The following KLB variants were observed in gnomAD, a reference collection of about 807,000 sequenced individuals.
The protein encoded by KLB is beta-klotho.
Under a neutral mutation model 88.4 loss-of-function variants are expected in KLB, and 44 were observed. The observed-to-expected ratio is 0.50, with a 90% CI of 0.39 to 0.64. KLB has a LOEUF of 0.64. KLB is among the 30% of genes least tolerant of loss of function. The pLI is 0.00. For missense variants in KLB, 1,137 were observed against 1,304.8 expected, an observed-to-expected ratio of 0.87 and a Z score of 1.98; for synonymous variants, 548 against 513.4, an observed-to-expected ratio of 1.07 and a Z score of -0.91.
rs1178685558 is a variant in KLB, at chr4:39,446,876, T to C, written c.2150T>C (p.Val717Ala). 4.3e-6 allele frequency: 7 copies of C among 1,609,294 alleles called. No homozygotes were observed. Among genetic ancestry groups the C allele is most frequent in the Non-Finnish European group, 5.9e-6 (7 of 1,179,816 alleles). Residue 717 changes from valine (V) to alanine (A), a missense_variant, in exon 4 of 5, where the codon GTG (valine) becomes GCG (alanine). Physicochemically the swap from Val to Ala is moderately conservative, Grantham distance 64. This residue lies in a region of KLB where 597 missense variants were observed against 765.2 expected (regional missense o/e 0.78). Transcript: ENST00000257408. This position sits in a 1 kb window ranked among gnomAD's most constrained non-coding sequence, Gnocchi z 6.4. ...TACGGGGCGGCGCACAACCTGCTGG[T>C]GGCCCACGCCCTGGCCTGGCGCCTC... ...DTYGAAHNLL[V>A]AHALAWRLYD...
Position 39,450,462 on chromosome 4 carries a change from T to C in KLB, c.*1776T>C, listed in dbSNP as rs1185626810. On this transcript the variant is annotated 3_prime_UTR_variant, in exon 5 of 5. Coordinates refer to ENST00000257408, the MANE Select transcript of KLB (RefSeq NM_175737.4). ...TTCCAAAATACTGTAAAAATACAAT[T>C]AGTCAATTTGAGTAAATGCAAATAT... 2.0e-5 allele frequency: 3 copies of C among 152,176 alleles called. No homozygotes were observed. The highest frequency in any genetic ancestry group is 4.4e-5 in the Non-Finnish European group (3 of 68,036). 9.4% of individuals were successfully genotyped at this position (152,176 alleles called of 1,614,324 possible).
intron 1 of KLB, among the ~76,000 whole-genome samples, chr4:39,431,946 C>T (rs1001317401): frequency 3.9e-5 from 6 of 152,178 alleles, no homozygotes; most frequent in African/African-American, 1.4e-4. Context: ...TGAAAGCAGG[C>T]TCTGTGTGCT....
chr4:39,446,629 A>T lies in KLB; in HGVS notation c.1903A>T (p.Ile635Phe). The T allele has an allele frequency of 6.2e-7, 1 of 1,613,734 alleles. No individual in the cohort carries two copies. The highest frequency in any genetic ancestry group is 1.3e-5 in the African/African-American group (1 of 75,024). Reference protein sequence around the residue: ...CVVSEGLKLGISAMVTLYYPT... With the variant: ...CVVSEGLKLGFSAMVTLYYPT... ...GGTCAGTGAGGGGCTGAAGCTTGGC[A>T]TCTCCGCGATGGTCACCCTGTATTA... The change falls in exon 4 of 5, where the codon ATC becomes TTC. Residue 635 changes from isoleucine to phenylalanine, a missense_variant. This residue lies in a region of KLB where 597 missense variants were observed against 765.2 expected (regional missense o/e 0.78). Transcript: ENST00000257408. The surrounding 1 kb of genome is among the most constrained non-coding windows in gnomAD (Gnocchi z 6.4).
chr4:39,430,083 T>G (rs1161073090), intron 1 of KLB, among the ~76,000 whole-genome samples: 1 of 152,242 alleles, frequency 6.6e-6, no homozygotes, highest in Non-Finnish European at 1.5e-5. Flanking sequence ...GCTCTACTGT[T>G]TCTCATTCAA....
Position 39,437,846 on chromosome 4 carries a change from A to G in KLB, c.1456A>G (p.Lys486Glu), listed in dbSNP as rs945390479. 10 of 1,614,208 alleles carry G rather than the reference A, an allele frequency of 6.2e-6. No homozygotes were observed. The Admixed American group carries it at 1.2e-4, about 19-fold the overall frequency. ...RGLFYVDFNS[K>E]QKERKPKSSA... ...ATTATTTTATGTGGATTTTAACAGTAAACAGAAAGAGCGGAAACCTAAGTC... is the reference window on the plus strand; with the variant it reads ...ATTATTTTATGTGGATTTTAACAGTGAACAGAAAGAGCGGAAACCTAAGTC... The change falls in exon 3 of 5, where the codon AAA becomes GAA. Residue 486 changes from lysine (K) to glutamate (E), a missense_variant. Coordinates refer to ENST00000257408, the MANE Select transcript of KLB (RefSeq NM_175737.4).
In KLB at chr4:39,450,243, C is replaced by A. The variant is rs1743861234; in HGVS notation, c.*1557C>A. Reference sequence around the variant, plus strand: ...ATGCACCTATTTATACCTATTCTTTCTTTAGGTCAACATTTAACACCCACT... The same window carrying A: ...ATGCACCTATTTATACCTATTCTTTATTTAGGTCAACATTTAACACCCACT... On this transcript the variant is annotated 3_prime_UTR_variant, in exon 5 of 5. Coordinates refer to ENST00000257408, the MANE Select transcript of KLB (RefSeq NM_175737.4). 6.6e-6 allele frequency: 1 copy of A among 152,282 alleles called. No homozygotes were observed. Among genetic ancestry groups the A allele is most frequent in the Non-Finnish European group, 1.5e-5 (1 of 68,024 alleles). 9.4% of individuals were successfully genotyped at this position (152,282 alleles called of 1,614,324 possible).
chr4:39,448,174 C>T, intron 4 of KLB, 127 bp from the exon 5 acceptor site: 1 of 631,494 alleles, frequency 1.6e-6, no homozygotes. Context: ...TCAAAAAAAA[C>T]CCTCTAATAA....
At chr4:39,413,951 G>A (rs1018306137) in intron 1 of KLB, among the ~76,000 whole-genome samples, 3 of 152,006 alleles carry the variant, frequency 2.0e-5, no homozygotes, top group Non-Finnish European at 2.9e-5. Context: ...CTTTGCTGTG[G>A]TAGGCTGTCC....
intron 3 of KLB, among the ~76,000 whole-genome samples, chr4:39,442,608 T>C (rs967004226): frequency 6.6e-6 from 1 of 152,174 alleles, no homozygotes; most frequent in Non-Finnish European, 1.5e-5. Context: ...TAATTTTTTG[T>C]ATTTTTAGTA....
intron 2 of KLB, among the ~76,000 whole-genome samples, chr4:39,436,068 C>G (rs902709299): frequency 2.6e-5 from 4 of 152,174 alleles, no homozygotes; most frequent in African/African-American, 9.7e-5. Context: ...CTCTATTACT[C>G]AAGTAGTGAC....
At position 39,437,944 on chromosome 4, in the gene KLB, G is replaced by A; in HGVS notation, c.1554G>A (p.Gln518=). 1 of 1,614,190 alleles carries A rather than the reference G, an allele frequency of 6.2e-7. No individual in the cohort carries two copies. The highest frequency in any genetic ancestry group is 8.5e-7 in the Non-Finnish European group (1 of 1,180,032). Residue 518 remains glutamine (Q), a synonymous_variant, in exon 3 of 5, where the codon CAG becomes CAA. Coordinates refer to ENST00000257408, the MANE Select transcript of KLB (RefSeq NM_175737.4). The stretch of plus-strand genomic sequence containing the variant: ...TAAAAGAGTCCACGCCAGATGTGCA[G>A]GGCCAGTTTCCCTGTGACTTCTCCT... The part of the protein sequence containing the change: ...FSLKESTPDV[Q]GQFPCDFSWG...
chr4:39,427,729 T>C (rs1743252408), intron 1 of KLB, among the ~76,000 whole-genome samples: 1 of 152,228 alleles, frequency 6.6e-6, no homozygotes, highest in African/African-American at 2.4e-5. Context: ...TTAAATTATT[T>C]TCAGCTTGCT....
At chr4:39,443,592 CAAAAAAA>C (rs770812561) in intron 3 of KLB, among the ~76,000 whole-genome samples, 1 of 65,862 alleles carries the variant, frequency 1.5e-5, no homozygotes. Flanking sequence ...CCTGTCTCTA[CAAAAAAA>C]AAAAAAAAAA....
intron 1 of KLB, among the ~76,000 whole-genome samples, chr4:39,410,145 A>G (rs1207985504): frequency 2.0e-5 from 3 of 152,236 alleles, no homozygotes; most frequent in Non-Finnish European, 2.9e-5. Context: ...TTGAAAAGTC[A>G]TTACCTGGAA....
chr4:39,425,670 G>A (rs1433422150), intron 1 of KLB, among the ~76,000 whole-genome samples: 2 of 152,090 alleles, frequency 1.3e-5, no homozygotes, highest in Admixed American at 6.6e-5. Context: ...TAAAACTCCT[G>A]GGCTCAAGCA....
intron 1 of KLB, among the ~76,000 whole-genome samples, chr4:39,431,091 ATTT>A (rs35397824): frequency 0.1 from 11,939 of 114,658 alleles, 666 homozygotes; most frequent in African/African-American, 0.21. Context: ...TAATTTTTGT[ATTT>A]TTTTTTTTTT....
rs575585564 is a variant in KLB, at chr4:39,428,989, A to G, written c.826-5221A>G. On this transcript the variant is annotated intron_variant, in intron 1 of 4. Coordinates refer to ENST00000257408, the MANE Select transcript of KLB (RefSeq NM_175737.4). ...CTCCCAAAGTGCTGGGATTACAGGC[A>G]TGAGCCATGGCACCCGGTCTTAAAG... Among the ~76,000 whole-genome samples the G allele has an allele frequency of 4.3e-4, 66 of 152,312 alleles. 2 individuals carry two copies. The South Asian group carries it at 0.013, about 30-fold the overall frequency.
intron 4 of KLB, among the ~76,000 whole-genome samples, chr4:39,447,685 T>C (rs1193898906): frequency 6.6e-6 from 1 of 152,146 alleles, no homozygotes. Context: ...TATAGAAAAC[T>C]GGGCACGTGG....
chr4:39,431,378 A>T (rs1333744330), intron 1 of KLB, among the ~76,000 whole-genome samples: 2 of 151,978 alleles, frequency 1.3e-5, no homozygotes, highest in Non-Finnish European at 2.9e-5. Flanking sequence ...CGGCCTTCCG[A>T]GTAGCTGGGA....
Sources: allele counts gnomAD v4.1 joint callset (sites outside exome capture counted in the v4.1 genomes callset), GRCh38; gene constraint gnomAD v4.1.1; regional missense constraint gnomAD v4.1.1; non-coding constraint Gnocchi (gnomAD v3.1); transcripts MANE v1.5; gene names NCBI Gene and HGNC (gene_info 2026-07-23, HGNC 2026-07-21).